MCTP2: variants seen among roughly 807,000 people sequenced by gnomAD.
MCTP2 encodes the protein multiple C2 and transmembrane domain-containing protein 2.
A neutral mutation model predicts 111.6 loss-of-function variants in MCTP2; 132 were observed. The observed-to-expected ratio is 1.18, with a 90% CI of 1.03 to 1.37. The LOEUF (loss-of-function observed/expected upper bound fraction) is 1.37. Among genes scored for constraint, MCTP2 ranks in the 40% most tolerant of loss-of-function variants. The pLI is 0.00. For missense variants in MCTP2, 1,183 were observed against 1,067.9 expected (o/e 1.11, Z -1.50); for synonymous variants, 395 against 387.7 (o/e 1.02, Z -0.22).
chr15:94,348,233 C>T (rs987477551), intron 8 of MCTP2, among the ~76,000 whole-genome samples: 2 of 151,566 alleles, frequency 1.3e-5, no homozygotes, highest in Admixed American at 1.3e-4. Flanking sequence ...AGGCTGACCT[C>T]TGCAGGATAC....
chr15:94,394,988 C>A (rs2081207315), intron 14 of MCTP2, among the ~76,000 whole-genome samples: 1 of 152,094 alleles, frequency 6.6e-6, no homozygotes. Flanking sequence ...TTCCATGCTG[C>A]CTCTACTGGC....
At chr15:94,354,036 T>A (rs1471325068) in intron 8 of MCTP2, among the ~76,000 whole-genome samples, 2 of 151,396 alleles carry the variant, frequency 1.3e-5, no homozygotes, top group Non-Finnish European at 2.9e-5. Flanking sequence ...ATAATAATAA[T>A]CATATATTAT....
intron 14 of MCTP2, among the ~76,000 whole-genome samples, chr15:94,390,731 T>C (rs1446802562): frequency 2.6e-4 from 37 of 143,826 alleles, no homozygotes; most frequent in East Asian, 2.1e-3. Flanking sequence ...TTTTCTTTTT[T>C]TTTTTTTTTT....
At chr15:94,384,202 C>A (rs909949284) in intron 13 of MCTP2, 78 bp downstream of exon 13, 1 of 892,406 alleles carries the variant, frequency 1.1e-6, no homozygotes, top group South Asian at 1.5e-5. Flanking sequence ...ATTTTCTGTC[C>A]ATTTTTATGG....
At chr15:94,384,800 A>T (rs1398046343) in intron 13 of MCTP2, among the ~76,000 whole-genome samples, 1 of 152,242 alleles carries the variant, frequency 6.6e-6, no homozygotes, top group African/African-American at 2.4e-5. Flanking sequence ...AAAGTTCCCA[A>T]GGATCTATGA....
Position 94,356,184 on chromosome 15 carries a change from C to A in MCTP2, c.1053C>A (p.Asn351Lys), listed in dbSNP as rs1312983588. ...NLRLSESLKK[N>K]QLWNGIISIT... ...GGCTCTCTGAGTCCTTGAAAAAGAA[C>A]CAACTCTGGAACGGGATTATAAGTA... The change falls in exon 9 of 23, where the codon AAC becomes AAA. Residue 351 changes from asparagine (N) to lysine (K), a missense_variant. Physicochemically the swap from Asn to Lys is moderately conservative, Grantham distance 94. Transcript: ENST00000357742. 9.3e-6 allele frequency: 15 copies of A among 1,612,580 alleles called. No individual in the cohort carries two copies. Among genetic ancestry groups the A allele is most frequent in the Non-Finnish European group, 1.3e-5 (15 of 1,179,274 alleles).
intron 10 of MCTP2, among the ~76,000 whole-genome samples, chr15:94,362,124 C>A (rs1331657406): frequency 6.6e-6 from 1 of 152,142 alleles, no homozygotes; most frequent in Non-Finnish European, 1.5e-5. Flanking sequence ...TGCCTACCGA[C>A]TCCAGTGTTT....
At chr15:94,369,126 TTTTG>T (rs1321808041) in intron 11 of MCTP2, among the ~76,000 whole-genome samples, 2 of 152,204 alleles carry the variant, frequency 1.3e-5, no homozygotes, top group Non-Finnish European at 2.9e-5. Context: ...AAACTAATTG[TTTTG>T]TTTGTTTAGG....
chr15:94,277,396 T>C (rs1366814892), intron 1 of MCTP2, among the ~76,000 whole-genome samples: 1 of 152,180 alleles, frequency 6.6e-6, no homozygotes, highest in East Asian at 1.9e-4. Flanking sequence ...CAGCTTTATT[T>C]ATAATTGTCA....
intron 14 of MCTP2, among the ~76,000 whole-genome samples, chr15:94,387,125 T>TCCTCCTTCCTCCTTC (rs1441778795): frequency 2.6e-5 from 4 of 151,776 alleles, no homozygotes; most frequent in Non-Finnish European, 5.9e-5. Context: ...CCTTCCTCCT[T>TCCTCCTTCCTCCTTC]CCTCCTTCCT....
chr15:94,323,231 C>G (rs1369548608), intron 4 of MCTP2, among the ~76,000 whole-genome samples: 2 of 152,108 alleles, frequency 1.3e-5, no homozygotes, highest in Non-Finnish European at 2.9e-5. Flanking sequence ...GCAGGTTTAG[C>G]AATGGTGTTG....
chr15:94,251,890 T>C (rs939247733), intron 1 of MCTP2, among the ~76,000 whole-genome samples: 8 of 152,214 alleles, frequency 5.3e-5, no homozygotes, highest in African/African-American at 1.9e-4. Context: ...CTATAGTATT[T>C]GTCCATTTGT....
chr15:94,264,207 C>T (rs900486054), intron 1 of MCTP2, among the ~76,000 whole-genome samples: 23 of 152,174 alleles, frequency 1.5e-4, no homozygotes, highest in African/African-American at 4.6e-4. Flanking sequence ...AGAAAGTGGG[C>T]TCTGGTTTCA....
chr15:94,416,377 T>G (rs2082380663), intron 17 of MCTP2, among the ~76,000 whole-genome samples: 1 of 152,120 alleles, frequency 6.6e-6, no homozygotes, highest in African/African-American at 2.4e-5. Context: ...ATGTGTGTCT[T>G]GAAGACTCTG....
intron 4 of MCTP2, among the ~76,000 whole-genome samples, chr15:94,324,557 A>C (rs1265494680): frequency 6.6e-6 from 1 of 152,142 alleles, no homozygotes; most frequent in Non-Finnish European, 1.5e-5. Flanking sequence ...AAATAAATGA[A>C]CACTCATTCA....
Position 94,458,151 on chromosome 15 carries a change from G to A in MCTP2, c.2265G>A (p.Lys755=). The A allele has an allele frequency of 6.2e-7, 1 of 1,604,620 alleles. No homozygotes were observed. The highest frequency in any genetic ancestry group is 8.5e-7 in the Non-Finnish European group (1 of 1,171,632). The change falls in exon 20 of 23, where the codon AAG becomes AAA. Residue 755 remains lysine, a synonymous_variant. Coordinates refer to ENST00000357742, the MANE Select transcript of MCTP2 (RefSeq NM_001385001.1). The part of the protein sequence containing the change: ...EDEDDKESEK[K]GLIERIYMVQ... Reference sequence around the variant, plus strand: ...ATGTTTTCTAGGAATCTGAGAAAAAGGGGTTGATTGAAAGAATCTATATGG... The same window carrying A: ...ATGTTTTCTAGGAATCTGAGAAAAAAGGGTTGATTGAAAGAATCTATATGG...
intron 17 of MCTP2, chr15:94,403,100 TG>T (rs2081686786): frequency 3.0e-6 from 3 of 986,598 alleles, no homozygotes; most frequent in East Asian, 1.1e-4. Flanking sequence ...CCTTTGCCAT[TG>T]GGGGGTATTT....
intron 20 of MCTP2, among the ~76,000 whole-genome samples, chr15:94,468,726 C>T (rs917417137): frequency 2.0e-5 from 3 of 152,088 alleles, no homozygotes; most frequent in African/African-American, 7.2e-5. Flanking sequence ...CCTCCACTTC[C>T]CAGGTTCAAG....
intron 1 of MCTP2, among the ~76,000 whole-genome samples, chr15:94,234,347 A>G (rs2070395844): frequency 6.6e-6 from 1 of 152,212 alleles, no homozygotes; most frequent in Non-Finnish European, 1.5e-5. Flanking sequence ...AATTTACTGG[A>G]GATTTCTGCC....
Sources: allele counts gnomAD v4.1 joint callset (sites outside exome capture counted in the v4.1 genomes callset), GRCh38; gene constraint gnomAD v4.1.1; transcripts MANE v1.5; gene names NCBI Gene and HGNC (gene_info 2026-07-23, HGNC 2026-07-21).